The following ATXN2 variants were observed in gnomAD, a reference collection of about 807,000 sequenced individuals.
ATXN2 encodes ataxin 2.
A neutral mutation model predicts 138.6 loss-of-function variants in ATXN2; 37 were observed. The ratio of observed to expected loss-of-function variants is 0.27; its 90% CI spans 0.21 to 0.35. The LOEUF (loss-of-function observed/expected upper bound fraction) is 0.35, where lower values mean the gene tolerates loss of function less well. Ranked by LOEUF, ATXN2 falls within the 10% of genes least tolerant of loss-of-function variation. The pLI is 1.00. For missense variants in ATXN2, 1,216 were observed against 1,480.3 expected (o/e 0.82, Z 2.93); for synonymous variants, 549 against 543.7 (o/e 1.01, Z -0.13).
chr12:111,585,170 A>G (rs1884254798), intron 1 of ATXN2, among the ~76,000 whole-genome samples: 1 of 152,186 alleles, frequency 6.6e-6, no homozygotes, highest in African/African-American at 2.4e-5. Flanking sequence ...ACTGTGCTAT[A>G]AAACAGTAAT....
At chr12:111,584,432 C>G (rs558958448) in intron 1 of ATXN2, among the ~76,000 whole-genome samples, 1 of 143,304 alleles carries the variant, frequency 7.0e-6, no homozygotes, top group Non-Finnish European at 1.5e-5. Context: ...TGTTGCTGCT[C>G]GTGGCAGAGC....
chr12:111,493,235 T>C (rs1878161265), intron 14 of ATXN2, among the ~76,000 whole-genome samples: 1 of 151,718 alleles, frequency 6.6e-6, no homozygotes, highest in Non-Finnish European at 1.5e-5. Context: ...GCCTGGCAAA[T>C]ATGGCAAAAC....
chr12:111,509,142 A>G (rs772036693), intron 14 of ATXN2, among the ~76,000 whole-genome samples: 7 of 152,232 alleles, frequency 4.6e-5, no homozygotes, highest in Non-Finnish European at 8.8e-5. Flanking sequence ...GATTTTGACC[A>G]CAATATATTT....
intron 21 of ATXN2, among the ~76,000 whole-genome samples, chr12:111,460,158 C>T (rs61944378): frequency 0.027 from 4,167 of 152,182 alleles, 106 homozygotes; most frequent in Non-Finnish European, 0.035. Flanking sequence ...ATCAGCTCAC[C>T]GCAACCTCTG....
chr12:111,560,179 A>T (rs1290976380), intron 1 of ATXN2, among the ~76,000 whole-genome samples: 1 of 152,222 alleles, frequency 6.6e-6, no homozygotes, highest in East Asian at 1.9e-4. Context: ...ATATCTGCAG[A>T]TTTCACATCC....
chr12:111,598,422 C>T lies in ATXN2; in HGVS notation c.251+362G>A. The T allele has an allele frequency of 1.0e-6, 1 of 985,652 alleles. No homozygotes were observed. Among genetic ancestry groups the T allele is most frequent in the Non-Finnish European group, 1.2e-6 (1 of 830,126 alleles). 61.1% of individuals were successfully genotyped at this position (985,652 alleles called of 1,614,324 possible). A position where few individuals can be genotyped will look rare whatever the true frequency, so the allele number is the denominator to read the frequency against. On this transcript the variant is annotated intron_variant, in intron 1 of 24. Transcript: ENST00000673436. This position sits in a 1 kb window ranked among gnomAD's most constrained non-coding sequence, Gnocchi z 4.5. Reference sequence around the variant, plus strand: ...ACCGGGAGTGGAGGAGCTGCCCGAGCATCCCCACGCTGCGGGCGGAGGATC... The same window carrying T: ...ACCGGGAGTGGAGGAGCTGCCCGAGTATCCCCACGCTGCGGGCGGAGGATC...
intron 7 of ATXN2, among the ~76,000 whole-genome samples, chr12:111,520,576 G>A (rs1203027804): frequency 3.3e-5 from 5 of 152,162 alleles, no homozygotes; most frequent in South Asian, 2.1e-4. Flanking sequence ...GCTTGAACCC[G>A]GGATGCAGAG....
chr12:111,469,475 A>G (rs1356284249), intron 20 of ATXN2: 5 of 152,232 alleles, frequency 3.3e-5, no homozygotes. Flanking sequence ...CAAAACGAAG[A>G]TGGGTTTTTT....
chr12:111,452,889 C>G (rs373889583), intron 24 of ATXN2, 49 bp from the exon 25 acceptor site: 1 of 1,595,694 alleles, frequency 6.3e-7, no homozygotes, highest in Admixed American at 1.7e-5. Flanking sequence ...CAACACCACA[C>G]ATCAGCCTAG....
intron 23 of ATXN2, 195 bp from the exon 24 acceptor site, chr12:111,454,040 C>CT: frequency 1.8e-6 from 1 of 560,452 alleles, no homozygotes; most frequent in Non-Finnish European, 3.1e-6. Context: ...TGGGCAGATC[C>CT]TGCAAGGGTC....
At chr12:111,545,124 A>C (rs1157750600) in intron 5 of ATXN2, among the ~76,000 whole-genome samples, 2 of 152,066 alleles carry the variant, frequency 1.3e-5, no homozygotes, top group South Asian at 4.1e-4. Context: ...GTGCCACTGC[A>C]CTCCAGCCTG....
In ATXN2 at chr12:111,470,178, G is replaced by A. The variant is rs767824384; in HGVS notation, c.2772C>T (p.His924=). ...AAGAAGATACTAAACCAGGCTGGGC[G>A]TGTGTTGGTGGTGCCATCATTCTAG... ...GNARMMAPPT[H]AQPGLVSSSA... Residue 924 remains histidine, a synonymous_variant, in exon 20 of 25, where the codon CAC becomes CAT. Transcript: ENST00000673436. The A allele has an allele frequency of 8.7e-6, 14 of 1,613,976 alleles. No homozygotes were observed. The highest frequency in any genetic ancestry group is 1.1e-5 in the South Asian group (1 of 91,080).
At chr12:111,559,622 AT>A (rs987390724) in intron 1 of ATXN2, among the ~76,000 whole-genome samples, 3 of 151,656 alleles carry the variant, frequency 2.0e-5, no homozygotes, top group African/African-American at 7.3e-5. Context: ...AAATAGAAAA[AT>A]TAGCCAGGCG....
At chr12:111,491,297 G>A (rs747068079) in intron 14 of ATXN2, among the ~76,000 whole-genome samples, 6 of 152,094 alleles carry the variant, frequency 3.9e-5, no homozygotes, top group African/African-American at 7.2e-5. Flanking sequence ...CCACCACCGT[G>A]GGTAAAGTCC....
At chr12:111,461,536 T>C (rs933921997) in intron 21 of ATXN2, among the ~76,000 whole-genome samples, 5 of 151,978 alleles carry the variant, frequency 3.3e-5, no homozygotes, top group African/African-American at 4.8e-5. Flanking sequence ...GTGAAACTTA[T>C]ACTTTAAATC....
At chr12:111,535,525 G>C (rs1881105562) in intron 5 of ATXN2, among the ~76,000 whole-genome samples, 1 of 152,096 alleles carries the variant, frequency 6.6e-6, no homozygotes, top group African/African-American at 2.4e-5. Flanking sequence ...GGGAGGCTCA[G>C]GCAGGAGAAT....
chr12:111,597,976 C>G, intron 1 of ATXN2: 2 of 1,218,592 alleles, frequency 1.6e-6, no homozygotes, highest in Non-Finnish European at 2.1e-6. Flanking sequence ...TCGGCCACCA[C>G]CCGCGCGCCG....
At chr12:111,511,729 G>A (rs1445826566) in intron 11 of ATXN2, 2 of 152,184 alleles carry the variant, frequency 1.3e-5, no homozygotes, top group African/African-American at 4.8e-5. Flanking sequence ...CTCCCCAAGT[G>A]CTGGGATTAC....
At chr12:111,572,415 A>C (rs1247647334) in intron 1 of ATXN2, among the ~76,000 whole-genome samples, 2 of 150,410 alleles carry the variant, frequency 1.3e-5, no homozygotes, top group African/African-American at 4.9e-5. Flanking sequence ...AAAAAAAAAC[A>C]AATTTACTAT....
Sources: gnomAD v4.1 joint callset for allele counts (sites outside exome capture counted in the v4.1 genomes callset) on GRCh38, gnomAD v4.1.1 for gene constraint, Gnocchi (gnomAD v3.1) non-coding constraint, MANE v1.5 for transcripts, NCBI Gene and HGNC (gene_info 2026-07-23, HGNC 2026-07-21) for gene names.